ESRRG: variants seen among roughly 807,000 people sequenced by gnomAD.
ESRRG encodes the protein estrogen related receptor gamma, also known as estrogen-related receptor gamma.
ESRRG carries 13 observed loss-of-function variants against 44.0 expected under a neutral mutation model. The ratio of observed to expected loss-of-function variants is 0.30; its 90% CI spans 0.19 to 0.47. The LOEUF is 0.47. Ranked by LOEUF, ESRRG falls within the 20% of genes least tolerant of loss-of-function variation. The pLI, the probability that ESRRG is intolerant of heterozygous loss-of-function variation, is 1.00. For synonymous variants in ESRRG, 215 were observed against 214.6 expected (o/e 1.00, Z -0.02); for missense variants, 395 against 580.6 (o/e 0.68, Z 3.29).
chr1:217,053,378 C>T (rs1319709335), intron 1 of ESRRG, among the ~76,000 whole-genome samples: 1 of 151,748 alleles, frequency 6.6e-6, no homozygotes, highest in Non-Finnish European at 1.5e-5. Flanking sequence ...TCGCTTGAAC[C>T]TAGGAGATAG....
intron 3 of ESRRG, among the ~76,000 whole-genome samples, chr1:216,614,900 T>C (rs1235282459): frequency 6.6e-6 from 1 of 152,182 alleles, no homozygotes; most frequent in Non-Finnish European, 1.5e-5. Context: ...AAATACTGAC[T>C]ATGGGAAATA....
intron 1 of ESRRG, among the ~76,000 whole-genome samples, chr1:217,099,739 C>T (rs1172247864): frequency 6.6e-6 from 1 of 152,148 alleles, no homozygotes; most frequent in Non-Finnish European, 1.5e-5. Context: ...TGGATCCTCC[C>T]CACAATTGTA....
rs11572707 is a variant in ESRRG, at chr1:216,652,039, G to A, written c.473-950C>T. Among the ~76,000 whole-genome samples, 752 of 152,086 alleles carry A rather than the reference G, an allele frequency of 4.9e-3. 19 individuals are homozygous for A. The highest frequency in any genetic ancestry group is 0.032 in the Admixed American group (491 of 15,252). On this transcript the variant is annotated intron_variant, in intron 2 of 6. Coordinates refer to ENST00000408911, the MANE Select transcript of ESRRG (RefSeq NM_001438.4). ...GTCACATAGTGCTTGAAGGTCTTTC[G>A]TTACTTCCTAACCCTTTCCCCTTGT...
intron 1 of ESRRG, among the ~76,000 whole-genome samples, chr1:216,705,592 T>C (rs1266376895): frequency 6.6e-6 from 1 of 152,194 alleles, no homozygotes; most frequent in African/African-American, 2.4e-5. Context: ...ATAAAACTCA[T>C]TGGTTTGTAA....
chr1:216,573,484 T>C (rs72737303), intron 3 of ESRRG, among the ~76,000 whole-genome samples: 193 of 152,112 alleles, frequency 1.3e-3, no homozygotes, highest in South Asian at 3.1e-3. Flanking sequence ...AAAAATATTT[T>C]ATAAATCTTA....
intron 2 of ESRRG, among the ~76,000 whole-genome samples, chr1:216,884,597 G>T (rs548604987): frequency 6.6e-6 from 1 of 152,258 alleles, no homozygotes; most frequent in Non-Finnish European, 1.5e-5. Context: ...TCTTTGCTTT[G>T]GGCATTCTTC....
chr1:216,899,612 C>T (rs894564521), intron 2 of ESRRG, among the ~76,000 whole-genome samples: 1 of 152,172 alleles, frequency 6.6e-6, no homozygotes, highest in Non-Finnish European at 1.5e-5. Context: ...AAGGTAATCA[C>T]CAGCCATGGT....
chr1:217,004,812 T>C (rs1297002873), intron 1 of ESRRG, among the ~76,000 whole-genome samples: 1 of 152,184 alleles, frequency 6.6e-6, no homozygotes, highest in Non-Finnish European at 1.5e-5. Context: ...GAGAATGATA[T>C]TATTTTGGAA....
chr1:216,874,424 T>G (rs770566815), intron 2 of ESRRG, among the ~76,000 whole-genome samples: 1 of 152,136 alleles, frequency 6.6e-6, no homozygotes, highest in Non-Finnish European at 1.5e-5. Context: ...GAAATAAAAC[T>G]GCTATAAAGT....
intron 1 of ESRRG, among the ~76,000 whole-genome samples, chr1:216,955,021 T>G (rs1042862794): frequency 1.3e-5 from 2 of 152,200 alleles, no homozygotes; most frequent in African/African-American, 2.4e-5. Context: ...TCCATCATCA[T>G]AACCATTTAT....
chr1:216,934,332 G>A (rs912607490), intron 2 of ESRRG, among the ~76,000 whole-genome samples: 1 of 152,156 alleles, frequency 6.6e-6, no homozygotes, highest in African/African-American at 2.4e-5. Flanking sequence ...TACTTGGGAG[G>A]CTGAGGCAGG....
chr1:216,833,337 T>C (rs1321672177), intron 2 of ESRRG, among the ~76,000 whole-genome samples: 1 of 152,240 alleles, frequency 6.6e-6, no homozygotes, highest in Non-Finnish European at 1.5e-5. Flanking sequence ...AATTTAGTCA[T>C]AAGAATTCAG....
chr1:216,999,326 C>G (rs937884951), intron 1 of ESRRG, among the ~76,000 whole-genome samples: 1 of 152,128 alleles, frequency 6.6e-6, no homozygotes, highest in Non-Finnish European at 1.5e-5. Flanking sequence ...TGGGTACTAT[C>G]CATAAGGATA....
At chr1:217,003,932 G>A (rs970084757) in intron 1 of ESRRG, among the ~76,000 whole-genome samples, 1 of 151,706 alleles carries the variant, frequency 6.6e-6, no homozygotes, top group Non-Finnish European at 1.5e-5. Flanking sequence ...AACTGAGTTT[G>A]TGACCTCAAA....
intron 2 of ESRRG, among the ~76,000 whole-genome samples, chr1:216,741,050 C>T (rs1004864427): frequency 6.6e-6 from 1 of 151,046 alleles, no homozygotes; most frequent in East Asian, 2.0e-4. Flanking sequence ...TTATCACAGT[C>T]CCCCCTCTCT....
chr1:217,107,789 T>C (rs891674511), intron 1 of ESRRG, among the ~76,000 whole-genome samples: 1 of 152,204 alleles, frequency 6.6e-6, no homozygotes, highest in African/African-American at 2.4e-5. Context: ...TTTCCATCTT[T>C]CTTATGCTTG....
At chr1:216,680,272 G>C (rs1000906426) in intron 1 of ESRRG, among the ~76,000 whole-genome samples, 1 of 152,134 alleles carries the variant, frequency 6.6e-6, no homozygotes, top group Non-Finnish European at 1.5e-5. Flanking sequence ...AGATAACTTC[G>C]TAAGGGAGGT....
chr1:216,824,697 T>C (rs1489212980), intron 2 of ESRRG, among the ~76,000 whole-genome samples: 5 of 152,202 alleles, frequency 3.3e-5, no homozygotes, highest in African/African-American at 9.6e-5. Context: ...CTTATAATGA[T>C]TAACTGTGAG....
At chr1:217,010,278 A>G (rs748813394) in intron 1 of ESRRG, among the ~76,000 whole-genome samples, 1 of 152,188 alleles carries the variant, frequency 6.6e-6, no homozygotes, top group Non-Finnish European at 1.5e-5. Flanking sequence ...TTGGCAAAAG[A>G]GAGCCAATTT....
Sources: allele counts gnomAD v4.1 joint callset (sites outside exome capture counted in the v4.1 genomes callset), GRCh38; gene constraint gnomAD v4.1.1; transcripts MANE v1.5; gene names NCBI Gene and HGNC (gene_info 2026-07-23, HGNC 2026-07-21).